CNTNAP2: variants seen among roughly 807,000 people sequenced by gnomAD.
CNTNAP2 encodes contactin associated protein 2.
In CNTNAP2, 98 loss-of-function variants were observed where a neutral mutation model predicts 155.2. The ratio of observed to expected loss-of-function variants is 0.63; its 90% CI spans 0.54 to 0.75. CNTNAP2 has a LOEUF of 0.75. Among genes scored for constraint, CNTNAP2 ranks in the 30% least tolerant of loss-of-function variants. CNTNAP2 has a pLI of 0.00. For synonymous variants in CNTNAP2, 651 were observed against 631.2 expected (o/e 1.03, Z -0.47); for missense variants, 1,727 against 1,688.1 (o/e 1.02, Z -0.40).
At chr7:148,096,062 C>T (rs1322282444) in intron 15 of CNTNAP2, among the ~76,000 whole-genome samples, 3 of 152,132 alleles carry the variant, frequency 2.0e-5, no homozygotes, top group African/African-American at 7.2e-5. Context: ...TAAGTACTTT[C>T]CAATTTATAC....
At chr7:147,902,230 TCTTAAG>T (rs1247950983) in intron 13 of CNTNAP2, among the ~76,000 whole-genome samples, 1 of 152,162 alleles carries the variant, frequency 6.6e-6, no homozygotes, top group African/African-American at 2.4e-5. Context: ...CCATGAGAAA[TCTTAAG>T]CTTAACACTC....
chr7:147,370,496 G>T (rs7779279), intron 9 of CNTNAP2, among the ~76,000 whole-genome samples: 35,139 of 151,604 alleles, frequency 0.23, 4,416 homozygotes, highest in Non-Finnish European at 0.28. Context: ...TTGTTAAATT[G>T]TTGTAACTTG....
intron 1 of CNTNAP2, among the ~76,000 whole-genome samples, chr7:146,272,101 A>G (rs1488574168): frequency 6.6e-6 from 1 of 152,190 alleles, no homozygotes; most frequent in Non-Finnish European, 1.5e-5. Context: ...TTTACAAAGG[A>G]AAGAGTTTTA....
chr7:146,819,522 G>A (rs909990826), intron 2 of CNTNAP2, among the ~76,000 whole-genome samples: 5 of 151,742 alleles, frequency 3.3e-5, no homozygotes, highest in Admixed American at 1.3e-4. Context: ...ACATTGGCAC[G>A]TCCCATCAAG....
intron 3 of CNTNAP2, among the ~76,000 whole-genome samples, chr7:147,002,534 ATTTACCCCCTTTACTTT>A (rs1798443473): frequency 6.6e-6 from 1 of 151,994 alleles, no homozygotes; most frequent in East Asian, 1.9e-4. Context: ...ACGTCACGAA[ATTTACCCCCTTTACTTT>A]CATGCCAAGC....
chr7:148,001,729 G>A (rs1392923596), intron 15 of CNTNAP2, among the ~76,000 whole-genome samples: 1 of 152,186 alleles, frequency 6.6e-6, no homozygotes, highest in African/African-American at 2.4e-5. Context: ...AAGCCATCTA[G>A]CTAGGTACTG....
At chr7:146,302,277 T>A (rs779812043) in intron 1 of CNTNAP2, among the ~76,000 whole-genome samples, 7 of 152,188 alleles carry the variant, frequency 4.6e-5, no homozygotes, top group African/African-American at 7.2e-5. Context: ...TACAGATGAT[T>A]TAAAAATATT....
chr7:146,786,548 A>C (rs193240910), intron 2 of CNTNAP2, among the ~76,000 whole-genome samples: 5 of 152,218 alleles, frequency 3.3e-5, no homozygotes, highest in Admixed American at 1.3e-4. Flanking sequence ...AGAATGAGCA[A>C]TCAACATTGT....
At chr7:146,954,029 T>C (rs530215920) in intron 3 of CNTNAP2, among the ~76,000 whole-genome samples, 14 of 152,084 alleles carry the variant, frequency 9.2e-5, no homozygotes, top group Non-Finnish European at 1.9e-4. Flanking sequence ...ATAACGTGGG[T>C]TATAAGATTT....
At chr7:147,925,199 G>A (rs933844936) in intron 14 of CNTNAP2, among the ~76,000 whole-genome samples, 1 of 149,422 alleles carries the variant, frequency 6.7e-6, no homozygotes, top group Non-Finnish European at 1.5e-5. Flanking sequence ...AGGAAGGAAG[G>A]AAGGAAGGAA....
intron 11 of CNTNAP2, among the ~76,000 whole-genome samples, chr7:147,491,920 A>T (rs1798615924): frequency 6.6e-6 from 1 of 152,228 alleles, no homozygotes; most frequent in Admixed American, 6.5e-5. Flanking sequence ...TAGCAAAAAA[A>T]ATCTACATAT....
intron 13 of CNTNAP2, among the ~76,000 whole-genome samples, chr7:147,649,955 TTTA>T (rs1199613049): frequency 2.8e-4 from 42 of 152,044 alleles, no homozygotes; most frequent in Non-Finnish European, 4.9e-4. Context: ...TACTGACAAT[TTTA>T]TTATTTATCT....
chr7:148,018,486 G>C (rs1396427373), intron 15 of CNTNAP2, among the ~76,000 whole-genome samples: 1 of 152,170 alleles, frequency 6.6e-6, no homozygotes. Flanking sequence ...TAACAGCTAA[G>C]GGGAAAAACT....
chr7:148,371,083 T>C (rs1632783), intron 21 of CNTNAP2, among the ~76,000 whole-genome samples: 50,138 of 151,808 alleles, frequency 0.33, 8,646 homozygotes, highest in Non-Finnish European at 0.39. Context: ...GAAACCACTT[T>C]CTAAATTGGA....
intron 10 of CNTNAP2, among the ~76,000 whole-genome samples, chr7:147,468,858 C>T (rs1392808495): frequency 3.7e-5 from 5 of 136,154 alleles, no homozygotes; most frequent in Non-Finnish European, 7.8e-5. Context: ...TTTTTTCCCC[C>T]CAGACAGAGT....
intron 9 of CNTNAP2, among the ~76,000 whole-genome samples, chr7:147,380,004 C>G (rs991089792): frequency 6.6e-6 from 1 of 151,986 alleles, no homozygotes; most frequent in Non-Finnish European, 1.5e-5. Context: ...TTTTATTTAG[C>G]ATTTCTAGGT....
intron 1 of CNTNAP2, among the ~76,000 whole-genome samples, chr7:146,496,663 C>CT (rs530279145): frequency 3.2e-4 from 48 of 152,114 alleles, no homozygotes; most frequent in African/African-American, 1.0e-3. Flanking sequence ...TAAAAGCCTT[C>CT]TTTTTTTTCC....
intron 1 of CNTNAP2, among the ~76,000 whole-genome samples, chr7:146,687,515 G>A (rs1050688332): frequency 2.0e-5 from 3 of 152,088 alleles, no homozygotes; most frequent in African/African-American, 4.8e-5. Flanking sequence ...GGAACGACTC[G>A]ACTTAAAAGT....
intron 3 of CNTNAP2, among the ~76,000 whole-genome samples, chr7:146,929,956 C>T (rs1216620493): frequency 6.6e-6 from 1 of 152,124 alleles, no homozygotes; most frequent in Non-Finnish European, 1.5e-5. Flanking sequence ...ACCAAATCTA[C>T]GTCTGACTGG....
Sources: gnomAD v4.1 joint callset for allele counts (sites outside exome capture counted in the v4.1 genomes callset) on GRCh38, gnomAD v4.1.1 for gene constraint, MANE v1.5 for transcripts, NCBI Gene and HGNC (gene_info 2026-07-23, HGNC 2026-07-21) for gene names.